The following AGBL4 variants were observed in gnomAD, a reference collection of about 807,000 sequenced individuals.
AGBL4 encodes cytosolic carboxypeptidase 6.
A neutral mutation model predicts 66.4 loss-of-function variants in AGBL4; 58 were observed. That is an observed-to-expected ratio of 0.87 (90% CI 0.71 to 1.09). The LOEUF is 1.09. Among genes scored for constraint, AGBL4 ranks in the 50% least tolerant of loss-of-function variants. The pLI is 0.00. For synonymous variants in AGBL4, 234 were observed against 222.9 expected (o/e 1.05, Z -0.44); for missense variants, 579 against 631.0 (o/e 0.92, Z 0.88).
chr1:48,849,802 G>C (rs1006516054), intron 6 of AGBL4, among the ~76,000 whole-genome samples: 5 of 152,106 alleles, frequency 3.3e-5, no homozygotes, highest in Non-Finnish European at 7.4e-5. Context: ...GTGAAACCCT[G>C]TCTCTACTAA....
At chr1:49,397,314 A>T (rs1468949176) in intron 3 of AGBL4, among the ~76,000 whole-genome samples, 1 of 152,164 alleles carries the variant, frequency 6.6e-6, no homozygotes, top group African/African-American at 2.4e-5. Flanking sequence ...AGATACCACA[A>T]TGAAACTAGA....
At chr1:49,235,724 T>A (rs1557753783) in intron 4 of AGBL4, among the ~76,000 whole-genome samples, 1 of 152,198 alleles carries the variant, frequency 6.6e-6, no homozygotes, top group Non-Finnish European at 1.5e-5. Flanking sequence ...TAGAAGAGGA[T>A]GGCCTACATC....
intron 6 of AGBL4, among the ~76,000 whole-genome samples, chr1:48,767,007 T>A (rs1644564038): frequency 6.6e-6 from 1 of 152,206 alleles, no homozygotes; most frequent in Non-Finnish European, 1.5e-5. Context: ...CTCTATGCCA[T>A]CCTAACCCTA....
In AGBL4 at chr1:49,488,443, G is replaced by C. The variant is rs1230427239; in HGVS notation, c.282+208870C>G. ...TATATAGTAGTTGTAGATAATTACG[G>C]GATAATGAGACATTTTGATGTAAGT... On this transcript the variant is annotated intron_variant, in intron 3 of 13. Transcript: ENST00000371839. 1.3e-5 allele frequency among the ~76,000 whole-genome samples: 2 copies of C among 150,916 alleles called. 1 individual carries two copies. Among genetic ancestry groups the C allele is most frequent in the Non-Finnish European group, 3.0e-5 (2 of 67,646 alleles).
intron 3 of AGBL4, among the ~76,000 whole-genome samples, chr1:49,456,438 C>A (rs1440212016): frequency 6.6e-6 from 1 of 151,822 alleles, no homozygotes; most frequent in African/African-American, 2.4e-5. Flanking sequence ...TTTAATGAAG[C>A]ATATTTTACT....
At position 48,827,920 on chromosome 1, in the gene AGBL4, C is replaced by T. The variant is rs147795042; in HGVS notation, c.634+39271G>A. ...CTGTAATCCCAGCACTTTGGGAGGC[C>T]GAGGCGGGCAGATCACGAGGTCAGG... On this transcript the variant is annotated intron_variant, in intron 6 of 13. Transcript: ENST00000371839. Among the ~76,000 whole-genome samples, 19 of 150,952 alleles carry T rather than the reference C, an allele frequency of 1.3e-4. No homozygotes were observed. In the East Asian group the frequency reaches 3.0e-3, roughly 24 times the overall value.
intron 4 of AGBL4, among the ~76,000 whole-genome samples, chr1:49,071,650 T>G (rs1406888138): frequency 6.6e-6 from 1 of 151,824 alleles, no homozygotes; most frequent in East Asian, 1.9e-4. Flanking sequence ...TGCTGAGGAG[T>G]GTGTTGCTTC....
chr1:49,746,656 A>T (rs1651009914), intron 2 of AGBL4, among the ~76,000 whole-genome samples: 1 of 152,072 alleles, frequency 6.6e-6, no homozygotes. Context: ...ACGAATTTTG[A>T]ATATTTTGAA....
chr1:48,923,843 C>A (rs746819563), intron 5 of AGBL4, among the ~76,000 whole-genome samples: 7 of 152,124 alleles, frequency 4.6e-5, no homozygotes, highest in Admixed American at 2.6e-4. Context: ...AAGAGAAGTC[C>A]TCTTAAAACA....
chr1:49,552,178 T>C (rs1410306609), intron 3 of AGBL4, among the ~76,000 whole-genome samples: 1 of 152,136 alleles, frequency 6.6e-6, no homozygotes, highest in Non-Finnish European at 1.5e-5. Flanking sequence ...CTTGAGTCTG[T>C]TTCCAGGCAG....
chr1:49,075,121 T>C (rs1178359561), intron 4 of AGBL4, among the ~76,000 whole-genome samples: 5 of 152,234 alleles, frequency 3.3e-5, no homozygotes, highest in Non-Finnish European at 7.3e-5. Context: ...TTGAACATAA[T>C]GTTTTTTGAA....
intron 3 of AGBL4, chr1:49,527,338 A>T (rs1213294049): frequency 1.3e-5 from 2 of 152,212 alleles, no homozygotes; most frequent in African/African-American, 4.8e-5. Flanking sequence ...AAGCATGTAC[A>T]TGAAAAGCCC....
At chr1:49,056,695 G>A (rs1268093401) in intron 4 of AGBL4, among the ~76,000 whole-genome samples, 7 of 152,118 alleles carry the variant, frequency 4.6e-5, no homozygotes, top group Non-Finnish European at 8.8e-5. Context: ...AGGAGTGAAA[G>A]CGAGACCAGT....
chr1:49,459,226 C>A (rs1042564753), intron 3 of AGBL4, among the ~76,000 whole-genome samples: 1 of 151,624 alleles, frequency 6.6e-6, no homozygotes, highest in Non-Finnish European at 1.5e-5. Context: ...GTGAATCTAT[C>A]TGGTCCTGAA....
chr1:49,172,858 G>T lies in AGBL4; in HGVS notation c.377+72912C>A, dbSNP rs558799712. Among the ~76,000 whole-genome samples the T allele has an allele frequency of 2.0e-4, 30 of 152,328 alleles. No individual in the cohort carries two copies. In the East Asian group the frequency reaches 5.4e-3, roughly 27 times the overall value. On this transcript the variant is annotated intron_variant, in intron 4 of 13. Coordinates refer to ENST00000371839, the MANE Select transcript of AGBL4 (RefSeq NM_032785.4). ...ATAGTACTCTAGGCTGGGCGCAGTG[G>T]CTCACGCCTGTAATCCCAGCACCGT...
chr1:49,362,839 A>G (rs1371687131), intron 3 of AGBL4, among the ~76,000 whole-genome samples: 1 of 152,184 alleles, frequency 6.6e-6, no homozygotes, highest in Non-Finnish European at 1.5e-5. Flanking sequence ...TGGAATCTTA[A>G]GTGAAATTCT....
chr1:48,753,943 C>T (rs1231467245), intron 6 of AGBL4, among the ~76,000 whole-genome samples: 1 of 152,158 alleles, frequency 6.6e-6, no homozygotes, highest in Non-Finnish European at 1.5e-5. Context: ...AATTAGAGCA[C>T]TGATTTTATT....
intron 5 of AGBL4, among the ~76,000 whole-genome samples, chr1:48,929,917 C>A (rs918203514): frequency 6.6e-6 from 1 of 152,180 alleles, no homozygotes; most frequent in African/African-American, 2.4e-5. Context: ...GGAAAGAACA[C>A]TTCCAGGCTT....
At chr1:49,845,858 T>G in intron 2 of AGBL4, 1 of 1,443,786 alleles carries the variant, frequency 6.9e-7, no homozygotes, top group East Asian at 2.3e-5. Context: ...GGGAAGGCCT[T>G]CCTTCTGGCA....
Sources: gnomAD v4.1 joint callset for allele counts (sites outside exome capture counted in the v4.1 genomes callset) on GRCh38, gnomAD v4.1.1 for gene constraint, MANE v1.5 for transcripts, NCBI Gene and HGNC (gene_info 2026-07-23, HGNC 2026-07-21) for gene names.